Variants in PRKCE observed in about 807,000 individuals in gnomAD.
PRKCE encodes the protein protein kinase C epsilon, also known as protein kinase C epsilon type.
A neutral mutation model predicts 85.4 loss-of-function variants in PRKCE; 16 were observed. That is an observed-to-expected ratio of 0.19 (90% CI 0.13 to 0.28). PRKCE has a LOEUF of 0.28. Among genes scored for constraint, PRKCE ranks in the 10% least tolerant of loss-of-function variants. The probability of loss-of-function intolerance (pLI) is 1.00; values close to 1 mark genes in which losing one functional copy is unlikely to be tolerated. For synonymous variants in PRKCE, 388 were observed against 371.5 expected (o/e 1.04, Z -0.51); for missense variants, 573 against 975.2 (o/e 0.59, Z 5.49).
intron 10 of PRKCE, among the ~76,000 whole-genome samples, chr2:46,044,168 A>C (rs1267340575): frequency 6.6e-6 from 1 of 152,240 alleles, no homozygotes; most frequent in African/African-American, 2.4e-5. Context: ...AGAACTAAGA[A>C]GATTACAAGA....
At chr2:45,783,286 T>C (rs930093958) in intron 1 of PRKCE, among the ~76,000 whole-genome samples, 3 of 152,216 alleles carry the variant, frequency 2.0e-5, no homozygotes, top group Admixed American at 1.3e-4. Context: ...ATGGTAAGAA[T>C]GCCGGTGCTC....
chr2:45,999,598 G>C (rs933061182), intron 6 of PRKCE, among the ~76,000 whole-genome samples: 5 of 151,960 alleles, frequency 3.3e-5, no homozygotes, highest in African/African-American at 1.2e-4. Flanking sequence ...CATTTATCCT[G>C]TGTGGTGTTC....
At chr2:45,662,965 A>C (rs1167351978) in intron 1 of PRKCE, among the ~76,000 whole-genome samples, 2 of 152,188 alleles carry the variant, frequency 1.3e-5, no homozygotes. Flanking sequence ...CAACCAGTTT[A>C]GGTAGCTGAG....
chr2:46,009,946 A>G (rs1351168726), intron 9 of PRKCE, among the ~76,000 whole-genome samples: 1 of 152,248 alleles, frequency 6.6e-6, no homozygotes, highest in African/African-American at 2.4e-5. Flanking sequence ...ATATAAACAT[A>G]TGAATAACCA....
At chr2:45,762,559 G>A (rs1163806907) in intron 1 of PRKCE, among the ~76,000 whole-genome samples, 2 of 152,178 alleles carry the variant, frequency 1.3e-5, no homozygotes, top group East Asian at 3.9e-4. Context: ...ATGGCATCTT[G>A]TGCCTGGCTC....
At chr2:45,939,386 C>T (rs913102285) in intron 2 of PRKCE, among the ~76,000 whole-genome samples, 1 of 152,140 alleles carries the variant, frequency 6.6e-6, no homozygotes, top group African/African-American at 2.4e-5. Context: ...CTTGGAGCTG[C>T]CCTTCCTTCC....
intron 2 of PRKCE, among the ~76,000 whole-genome samples, chr2:45,959,999 C>T (rs1417132991): frequency 6.6e-6 from 1 of 152,178 alleles, no homozygotes; most frequent in Non-Finnish European, 1.5e-5. Context: ...AAGAAATTGG[C>T]CTCTCCTCTT....
At chr2:46,113,565 C>A (rs552148027) in intron 11 of PRKCE, among the ~76,000 whole-genome samples, 3 of 152,160 alleles carry the variant, frequency 2.0e-5, no homozygotes, top group Non-Finnish European at 4.4e-5. Flanking sequence ...TACTTTGGAC[C>A]TGACGAAGGC....
At chr2:45,846,441 A>C (rs191316728) in intron 2 of PRKCE, among the ~76,000 whole-genome samples, 121 of 152,306 alleles carry the variant, frequency 7.9e-4, no homozygotes, top group African/African-American at 2.8e-3. Context: ...ATCTAAACCA[A>C]CAACAGCAAT....
At chr2:45,881,070 G>A (rs908246294) in intron 2 of PRKCE, among the ~76,000 whole-genome samples, 2 of 149,540 alleles carry the variant, frequency 1.3e-5, no homozygotes, top group Non-Finnish European at 3.0e-5. Flanking sequence ...GGAGAATGGC[G>A]TGAACCCGGG....
At chr2:45,864,913 C>T (rs551612946) in intron 2 of PRKCE, among the ~76,000 whole-genome samples, 1 of 152,318 alleles carries the variant, frequency 6.6e-6, no homozygotes, top group South Asian at 2.1e-4. Flanking sequence ...GGGCCAGTTA[C>T]AGCTTGCTGG....
chr2:45,902,988 A>G (rs928605326), intron 2 of PRKCE, among the ~76,000 whole-genome samples: 12 of 152,170 alleles, frequency 7.9e-5, no homozygotes, highest in African/African-American at 2.7e-4. Context: ...TGCTTATTTG[A>G]TTGTGGAATT....
intron 2 of PRKCE, among the ~76,000 whole-genome samples, chr2:45,888,948 C>A (rs558956265): frequency 2.6e-4 from 40 of 152,276 alleles, no homozygotes; most frequent in African/African-American, 9.4e-4. Flanking sequence ...AAAACCAGCC[C>A]GTGTGGGGTT....
At chr2:45,903,632 A>T (rs564843980) in intron 2 of PRKCE, among the ~76,000 whole-genome samples, 1 of 152,314 alleles carries the variant, frequency 6.6e-6, no homozygotes. Flanking sequence ...TTAAACAGTC[A>T]TCTTGTATTT....
At chr2:45,878,356 G>A (rs1215088682) in intron 2 of PRKCE, among the ~76,000 whole-genome samples, 2 of 152,080 alleles carry the variant, frequency 1.3e-5, no homozygotes, top group Non-Finnish European at 2.9e-5. Context: ...TTTAGGGCTT[G>A]AATATCTCAA....
chr2:46,070,987 T>C (rs923372147), intron 10 of PRKCE, among the ~76,000 whole-genome samples: 1 of 152,244 alleles, frequency 6.6e-6, no homozygotes, highest in African/African-American at 2.4e-5. Flanking sequence ...ATTATCATTT[T>C]CTAAGCAAAC....
intron 1 of PRKCE, among the ~76,000 whole-genome samples, chr2:45,738,781 C>G (rs75499947): frequency 0.013 from 1,952 of 152,248 alleles, 44 homozygotes; most frequent in African/African-American, 0.045. Context: ...TATGACAGCT[C>G]TTAAAAGTAC....
At position 45,707,731 on chromosome 2, in the gene PRKCE, C is replaced by T. The variant is rs560637965; in HGVS notation, c.348+55283C>T. 1.3e-3 allele frequency among the ~76,000 whole-genome samples: 196 copies of T among 152,276 alleles called. 2 individuals are homozygous for T. The highest frequency in any genetic ancestry group is 3.8e-3 in the African/African-American group (156 of 41,554). ...TGTCTGTGGGACACACAGTTCGTGA[C>T]GAATATGAAATAAAATGGAAATAGC... On this transcript the variant is annotated intron_variant, in intron 1 of 14. Coordinates refer to ENST00000306156, the MANE Select transcript of PRKCE (RefSeq NM_005400.3).
At chr2:45,950,442 C>G (rs746154461) in intron 2 of PRKCE, among the ~76,000 whole-genome samples, 4 of 152,164 alleles carry the variant, frequency 2.6e-5, no homozygotes, top group Non-Finnish European at 4.4e-5. Flanking sequence ...GGCAGAATTT[C>G]AGTTACACTG....
Sources: gnomAD v4.1 joint callset for allele counts (sites outside exome capture counted in the v4.1 genomes callset) on GRCh38, gnomAD v4.1.1 for gene constraint, MANE v1.5 for transcripts, NCBI Gene and HGNC (gene_info 2026-07-23, HGNC 2026-07-21) for gene names.